Variants in DOP1A observed in about 807,000 individuals in gnomAD.
DOP1A encodes DOP1 leucine zipper like protein A.
DOP1A carries 90 observed loss-of-function variants against 267.6 expected under a neutral mutation model. The ratio of observed to expected loss-of-function variants is 0.34; its 90% CI spans 0.28 to 0.40. The LOEUF (loss-of-function observed/expected upper bound fraction) is 0.40, where lower values mean the gene tolerates loss of function less well. Among genes scored for constraint, DOP1A ranks in the 10% least tolerant of loss-of-function variants. The pLI, the probability that DOP1A is intolerant of heterozygous loss-of-function variation, is 1.00. For missense variants in DOP1A, 2,437 were observed against 2,900.4 expected (o/e 0.84, Z 3.67); for synonymous variants, 932 against 999.1 (o/e 0.93, Z 1.27).
In DOP1A at chr6:83,132,346, G is replaced by C; in HGVS notation, c.2769+18G>C. On this transcript the variant is annotated intron_variant, in intron 18 of 38. Coordinates refer to ENST00000349129, the MANE Select transcript of DOP1A (RefSeq NM_015018.4). Reference sequence around the variant, plus strand: ...AAGATAAGGTAAATCCTCTTATCTTGTGCACACCGCCCCCTCCGCCACACA... The same window carrying C: ...AAGATAAGGTAAATCCTCTTATCTTCTGCACACCGCCCCCTCCGCCACACA... 1 of 1,582,162 alleles carries C rather than the reference G, an allele frequency of 6.3e-7. No homozygotes were observed. The highest frequency in any genetic ancestry group is 8.6e-7 in the Non-Finnish European group (1 of 1,158,322).
At chr6:83,114,270 G>C (rs1428022599) in intron 7 of DOP1A, among the ~76,000 whole-genome samples, 1 of 151,764 alleles carries the variant, frequency 6.6e-6, no homozygotes, top group Non-Finnish European at 1.5e-5. Flanking sequence ...TCTATACTTT[G>C]ACTAATTGGA....
chr6:83,103,033 CCTT>C (rs1469985445), intron 4 of DOP1A, among the ~76,000 whole-genome samples: 7 of 152,040 alleles, frequency 4.6e-5, no homozygotes, highest in Admixed American at 2.0e-4. Context: ...CTGAAATGGC[CCTT>C]CTTCCACATT....
chr6:83,078,752 C>G (rs1183773133), intron 1 of DOP1A, among the ~76,000 whole-genome samples: 2 of 151,972 alleles, frequency 1.3e-5, no homozygotes, highest in Non-Finnish European at 2.9e-5. Context: ...TGGAGGGTGC[C>G]TATGTTTTGT....
At chr6:83,170,323 A>G (rs1786842906), downstream of DOP1A, 1 of 1,614,186 alleles carries the variant, frequency 6.2e-7, no homozygotes, top group Non-Finnish European at 8.5e-7. Flanking sequence ...CTGCTTCTGC[A>G]TATACTCGGA....
chr6:83,112,141 A>G (rs1024153875), intron 6 of DOP1A, among the ~76,000 whole-genome samples: 7 of 152,174 alleles, frequency 4.6e-5, no homozygotes, highest in African/African-American at 1.7e-4. Context: ...AATGACACAC[A>G]TGGAAAAATA....
intron 30 of DOP1A, 134 bp downstream of exon 30, chr6:83,152,501 A>G (rs767324930): frequency 4.9e-6 from 2 of 404,046 alleles, no homozygotes; most frequent in Non-Finnish European, 8.6e-6. Context: ...TATAGAATTA[A>G]TATAAAGTTT....
Position 83,145,581 on chromosome 6 carries a change from A to G in DOP1A, c.5599A>G (p.Ser1867Gly). 1.2e-6 allele frequency: 2 copies of G among 1,612,744 alleles called. No homozygotes were observed. Among genetic ancestry groups the G allele is most frequent in the Non-Finnish European group, 1.7e-6 (2 of 1,179,166 alleles). The change falls in exon 25 of 39, where the codon AGT (serine) becomes GGT (glycine). Residue 1867 changes from serine (S) to glycine (G), a missense_variant. Ser to Gly is a moderately conservative substitution (Grantham distance 56). Transcript: ENST00000349129. ...ATTAGTGGAATTGGTTCGTTCAATC[A>G]GTGTCATGAGAGCAGAAACTGTTAT... Reference protein sequence around the residue: ...LLLVELVRSISVMRAETVIQT... With the variant: ...LLLVELVRSIGVMRAETVIQT...
intron 1 of DOP1A, among the ~76,000 whole-genome samples, chr6:83,089,952 G>T (rs1289002508): frequency 6.6e-6 from 1 of 152,166 alleles, no homozygotes; most frequent in Non-Finnish European, 1.5e-5. Context: ...CATAAAACAT[G>T]TTTGGCAATA....
At chr6:83,091,749 TG>T (rs1770455915) in intron 1 of DOP1A, among the ~76,000 whole-genome samples, 1 of 152,338 alleles carries the variant, frequency 6.6e-6, no homozygotes, top group African/African-American at 2.4e-5. Context: ...GAATATTATA[TG>T]TCTTCAAAAT....
Position 83,138,599 on chromosome 6 carries a change from A to T in DOP1A, c.4557A>T (p.Leu1519Phe). Residue 1519 changes from leucine (L) to phenylalanine (F), a missense_variant, in exon 21 of 39, where the codon TTA becomes TTT. Physicochemically the swap from Leu to Phe is conservative, Grantham distance 22. Coordinates refer to ENST00000349129, the MANE Select transcript of DOP1A (RefSeq NM_015018.4). ...KGFPSFISDM[L>F]SKCKVQKVIL... ...TCCCTAGTTTTATTTCTGATATGTT[A>T]TCTAAGTGCAAAGTTCAGAAAGTGA... is the stretch of plus-strand genomic sequence containing the variant. The T allele has an allele frequency of 6.2e-7, 1 of 1,613,858 alleles. No homozygotes were observed. The highest frequency in any genetic ancestry group is 1.3e-5 in the African/African-American group (1 of 75,038).
chr6:83,166,544 C>A, intron 38 of DOP1A: 6 of 629,770 alleles, frequency 9.5e-6, no homozygotes, highest in South Asian at 6.0e-5. Context: ...ATATAAACAG[C>A]AATAAGTCAT....
chr6:83,112,969 A>G (rs1391613639), intron 6 of DOP1A, among the ~76,000 whole-genome samples: 2 of 152,214 alleles, frequency 1.3e-5, no homozygotes, highest in Non-Finnish European at 1.5e-5. Flanking sequence ...GCCATTAAGA[A>G]ATGAAGCTCT....
At position 83,168,203 on chromosome 6, in the gene DOP1A, T is replaced by C. The variant is rs766436901; in HGVS notation, c.*36T>C. On this transcript the variant is annotated 3_prime_UTR_variant, in exon 39 of 39. Transcript: ENST00000349129. ...TGGTTCCATTTAGCTTACATGTAAA[T>C]GTAATTATTTAAAACACACACACTG... is the stretch of plus-strand genomic sequence containing the variant. The C allele has an allele frequency of 1.0e-5, 16 of 1,576,320 alleles. No individual in the cohort carries two copies. Among genetic ancestry groups the C allele is most frequent in the Non-Finnish European group, 1.4e-5 (16 of 1,164,992 alleles).
chr6:83,127,973 C>T (rs1341642570), intron 15 of DOP1A, among the ~76,000 whole-genome samples: 1 of 152,118 alleles, frequency 6.6e-6, no homozygotes, highest in Non-Finnish European at 1.5e-5. Context: ...CCCTAGTTGA[C>T]TCAAGGCCTG....
chr6:83,079,849 A>G (rs1316489239), intron 1 of DOP1A, among the ~76,000 whole-genome samples: 1 of 152,126 alleles, frequency 6.6e-6, no homozygotes, highest in Non-Finnish European at 1.5e-5. Context: ...TATGTTTCAA[A>G]TAAGCTGGAA....
chr6:83,068,036 G>A (rs1784974936), intron 1 of DOP1A, among the ~76,000 whole-genome samples: 1 of 152,128 alleles, frequency 6.6e-6, no homozygotes, highest in Non-Finnish European at 1.5e-5. Flanking sequence ...GAGGCGCGAG[G>A]GCGGCCCCAG....
At chr6:83,134,820 T>A (rs990276314) in intron 19 of DOP1A, among the ~76,000 whole-genome samples, 2 of 152,120 alleles carry the variant, frequency 1.3e-5, no homozygotes, top group African/African-American at 4.8e-5. Context: ...CTGCCATTTT[T>A]AGGTGGATTC....
intron 33 of DOP1A, 86 bp from the exon 34 acceptor site, chr6:83,155,864 TC>T: frequency 6.8e-7 from 1 of 1,477,972 alleles, no homozygotes; most frequent in Non-Finnish European, 9.1e-7. Flanking sequence ...GTTTTGGATG[TC>T]ATAGAGCATC....
intron 4 of DOP1A, among the ~76,000 whole-genome samples, chr6:83,108,514 G>T (rs1170096523): frequency 1.3e-5 from 2 of 152,186 alleles, no homozygotes; most frequent in African/African-American, 4.8e-5. Context: ...TACTCATGAG[G>T]CTGAGGCAGG....
Sources: gnomAD v4.1 joint callset for allele counts (sites outside exome capture counted in the v4.1 genomes callset) on GRCh38, gnomAD v4.1.1 for gene constraint, MANE v1.5 for transcripts, NCBI Gene and HGNC (gene_info 2026-07-23, HGNC 2026-07-21) for gene names.